Variants in SQOR observed in about 807,000 individuals in gnomAD.
SQOR encodes sulfide:quinone oxidoreductase, mitochondrial.
SQOR carries 39 observed loss-of-function variants against 48.6 expected under a neutral mutation model. The ratio of observed to expected loss-of-function variants is 0.80; its 90% CI spans 0.62 to 1.05. The LOEUF is 1.05. Ranked by LOEUF, SQOR falls within the 50% of genes least tolerant of loss-of-function variation. The pLI, the probability that SQOR is intolerant of heterozygous loss-of-function variation, is 0.00. For missense variants in SQOR, 561 were observed against 559.9 expected (o/e 1.00, Z -0.02); for synonymous variants, 220 against 206.2 (o/e 1.07, Z -0.57).
intron 5 of SQOR, chr15:45,674,091 A>ATATT: frequency 2.7e-6 from 1 of 370,062 alleles, no homozygotes; most frequent in Non-Finnish European, 5.0e-6. Context: ...ATTTAGCTGT[A>ATATT]TTATGTAATA....
intron 7 of SQOR, among the ~76,000 whole-genome samples, chr15:45,684,739 T>C (rs1890191459): frequency 6.6e-6 from 1 of 152,224 alleles, no homozygotes; most frequent in African/African-American, 2.4e-5. Context: ...CTACCTGTGA[T>C]GTGAGGCCCA....
intron 1 of SQOR, among the ~76,000 whole-genome samples, chr15:45,654,126 A>AC (rs202202637): frequency 0.038 from 4,598 of 121,198 alleles, 280 homozygotes; most frequent in African/African-American, 0.13. Flanking sequence ...AAAAAAAAAA[A>AC]AAAAAAAAGT....
chr15:45,655,681 C>CTTTTTTTTT (rs60764234), intron 1 of SQOR, among the ~76,000 whole-genome samples: 4 of 143,738 alleles, frequency 2.8e-5, no homozygotes, highest in Non-Finnish European at 4.5e-5. Flanking sequence ...GAAAGTATAT[C>CTTTTTTTTT]TTTTTTTTTT....
Position 45,684,296 on chromosome 15 carries a change from T to C in SQOR, c.1048+1635T>C, listed in dbSNP as rs556592664. Among the ~76,000 whole-genome samples the C allele has an allele frequency of 1.7e-4, 26 of 152,294 alleles. No individual in the cohort carries two copies. The South Asian group carries it at 4.6e-3, about 27-fold the overall frequency. On this transcript the variant is annotated intron_variant, in intron 7 of 9. Transcript: ENST00000260324. ...CACCAGCCAGTCAAGGATCACACAC[T>C]GCATTGGGCGTCATGCCTCTTTGGT...
In SQOR at chr15:45,669,928, A is replaced by C; in HGVS notation, c.406A>C (p.Ile136Leu). The change falls in exon 4 of 10, where the codon ATC becomes CTC. Residue 136 changes from isoleucine to leucine, a missense_variant and splice_region_variant. Ile to Leu is a conservative substitution (Grantham distance 5, BLOSUM62 2). Transcript: ENST00000260324. ...NCIHTDDDEK[I>L]SYRYLIIALG... ...AAAATAATGTCTTTTTGTGTTGCAG[A>C]TCTCCTACCGATATCTTATTATTGC... 1 of 1,613,898 alleles carries C rather than the reference A, an allele frequency of 6.2e-7. No individual in the cohort carries two copies. The highest frequency in any genetic ancestry group is 1.1e-5 in the South Asian group (1 of 91,072).
Position 45,689,107 on chromosome 15 carries a change from C to T in SQOR, c.1185C>T (p.Tyr395=). The change falls in exon 9 of 10, where the codon TAC becomes TAT. Residue 395 remains tyrosine (Y), a synonymous_variant. Transcript: ENST00000260324. ...YNRVILAEFD[Y]KAEPLETFPF... The stretch of plus-strand genomic sequence containing the variant: ...GTGTGATTCTTGCTGAGTTTGACTA[C>T]AAAGCAGAGCCGCTAGAAACCTTCC... 6.2e-7 allele frequency: 1 copy of T among 1,614,144 alleles called. No individual in the cohort carries two copies. Among genetic ancestry groups the T allele is most frequent in the Non-Finnish European group, 8.5e-7 (1 of 1,180,016 alleles).
At chr15:45,631,881 C>T (rs996184493), upstream of SQOR, 2 of 152,174 alleles carry the variant, frequency 1.3e-5, no homozygotes, top group East Asian at 1.9e-4. Context: ...TTTCATTCCT[C>T]GCAAACTTCA....
At chr15:45,633,141 C>T (rs1485220204), upstream of SQOR, among the ~76,000 whole-genome samples, 1 of 150,988 alleles carries the variant, frequency 6.6e-6, no homozygotes, top group Non-Finnish European at 1.5e-5. Flanking sequence ...AAAAAAAAAC[C>T]CAAAAAACCA....
intron 1 of SQOR, among the ~76,000 whole-genome samples, chr15:45,652,156 G>C (rs936916792): frequency 6.6e-6 from 1 of 152,174 alleles, no homozygotes; most frequent in Non-Finnish European, 1.5e-5. Context: ...TTACAGGCGT[G>C]AGCCACCACG....
At chr15:45,675,999 T>C in intron 5 of SQOR, 102 bp from the exon 6 acceptor site, 2 of 1,170,370 alleles carry the variant, frequency 1.7e-6, no homozygotes, top group East Asian at 4.7e-5. Flanking sequence ...TGGCAAAAGC[T>C]AGCAAGGTCC....
In SQOR at chr15:45,689,122, A is replaced by G. The variant is rs1890275853; in HGVS notation, c.1200A>G (p.Leu400=). The G allele has an allele frequency of 6.2e-7, 1 of 1,614,180 alleles. No homozygotes were observed. The highest frequency in any genetic ancestry group is 8.5e-7 in the Non-Finnish European group (1 of 1,180,022). Residue 400 remains leucine (L), a synonymous_variant, in exon 9 of 10, where the codon CTA becomes CTG. Coordinates refer to ENST00000260324, the MANE Select transcript of SQOR (RefSeq NM_021199.4). ...LAEFDYKAEP[L]ETFPFDQSKE... The stretch of plus-strand genomic sequence containing the variant: ...AGTTTGACTACAAAGCAGAGCCGCT[A>G]GAAACCTTCCCCTTTGATCAAAGCA...
At chr15:45,684,951 C>G (rs1375832293) in intron 7 of SQOR, among the ~76,000 whole-genome samples, 1 of 152,180 alleles carries the variant, frequency 6.6e-6, no homozygotes, top group Admixed American at 6.5e-5. Flanking sequence ...CAATCTGCAA[C>G]CTATTCTATG....
chr15:45,640,324 C>T (rs761923223), intron 1 of SQOR, among the ~76,000 whole-genome samples: 10 of 152,198 alleles, frequency 6.6e-5, no homozygotes, highest in East Asian at 1.9e-4. Context: ...TTTGATGCCA[C>T]CCAATCTGAT....
chr15:45,655,893 G>T (rs1189099700), intron 1 of SQOR, among the ~76,000 whole-genome samples: 1 of 151,706 alleles, frequency 6.6e-6, no homozygotes, highest in Non-Finnish European at 1.5e-5. Context: ...CACCATGTTG[G>T]CCAGGATGGT....
intron 2 of SQOR, 48 bp downstream of exon 2, chr15:45,659,205 TGTGTGA>T (rs753913904): frequency 1.1e-5 from 15 of 1,373,014 alleles, no homozygotes; most frequent in Non-Finnish European, 1.5e-5. Context: ...CGTGTGTGTG[TGTGTGA>T]GTGTGTGTGT....
chr15:45,633,157 C>T (rs966216013), upstream of SQOR, among the ~76,000 whole-genome samples: 1 of 151,494 alleles, frequency 6.6e-6, no homozygotes, highest in African/African-American at 2.4e-5. Flanking sequence ...AACCAAAAAC[C>T]CAATTAACTG....
At position 45,662,002 on chromosome 15, in the gene SQOR, A is replaced by C; in HGVS notation, c.282A>C (p.Lys94Asn). 6.2e-7 allele frequency: 1 copy of C among 1,614,224 alleles called. No homozygotes were observed. Among genetic ancestry groups the C allele is most frequent in the Non-Finnish European group, 8.5e-7 (1 of 1,180,036 alleles). Residue 94 changes from lysine to asparagine, a missense_variant, in exon 3 of 10, where the codon AAA (lysine) becomes AAC (asparagine). Coordinates refer to ENST00000260324, the MANE Select transcript of SQOR (RefSeq NM_021199.4). ...GGACACTGGTGGGTGCTGGTGCCAAACAATTGTCCTCATCTGGTCGTCCCA... is the reference window on the plus strand; with the variant it reads ...GGACACTGGTGGGTGCTGGTGCCAACCAATTGTCCTCATCTGGTCGTCCCA... ...PIWTLVGAGA[K>N]QLSSSGRPTA...
intron 1 of SQOR, among the ~76,000 whole-genome samples, chr15:45,637,910 C>T (rs945560347): frequency 6.6e-6 from 1 of 152,238 alleles, no homozygotes; most frequent in African/African-American, 2.4e-5. Flanking sequence ...TATAACTCCT[C>T]TTTGACTCTG....
intron 4 of SQOR, 126 bp downstream of exon 4, chr15:45,670,107 A>T: frequency 1.2e-6 from 1 of 852,046 alleles, no homozygotes; most frequent in Non-Finnish European, 1.9e-6. Flanking sequence ...TTCTGGTTTT[A>T]TTTCTTGGCA....
Sources: gnomAD v4.1 joint callset for allele counts (sites outside exome capture counted in the v4.1 genomes callset) on GRCh38, gnomAD v4.1.1 for gene constraint, MANE v1.5 for transcripts, NCBI Gene and HGNC (gene_info 2026-07-23, HGNC 2026-07-21) for gene names.